CHIC2: variants seen among roughly 807,000 people sequenced by gnomAD.
CHIC2 encodes cysteine rich hydrophobic domain 2.
Under a neutral mutation model 25.9 loss-of-function variants are expected in CHIC2, and 14 were observed. The ratio of observed to expected loss-of-function variants is 0.54; its 90% CI spans 0.36 to 0.85. The LOEUF (loss-of-function observed/expected upper bound fraction) is 0.85. Among genes scored for constraint, CHIC2 ranks in the 40% least tolerant of loss-of-function variants. The pLI is 0.01. For synonymous variants in CHIC2, 70 were observed against 72.0 expected (o/e 0.97, Z 0.14); for missense variants, 146 against 202.0 (o/e 0.72, Z 1.68).
chr4:54,020,403 T>G (rs192753581), intron 3 of CHIC2, among the ~76,000 whole-genome samples: 1 of 152,354 alleles, frequency 6.6e-6, no homozygotes, highest in East Asian at 1.9e-4. Context: ...CACCACCTTT[T>G]GCTGACTCTC....
intron 3 of CHIC2, among the ~76,000 whole-genome samples, chr4:54,022,353 T>C (rs1252654531): frequency 6.6e-6 from 1 of 151,966 alleles, no homozygotes; most frequent in Non-Finnish European, 1.5e-5. Flanking sequence ...CAGTGGAGGG[T>C]AAGTCCGTCT....
chr4:54,079,632 A>T, the CHIC2 span, among the ~76,000 whole-genome samples: 4 of 152,138 alleles, frequency 2.6e-5, no homozygotes, highest in Admixed American at 2.6e-4. Flanking sequence ...TTTTCAAAGA[A>T]GATGTACCAA....
At chr4:54,081,252 G>C in the CHIC2 span, among the ~76,000 whole-genome samples, 1 of 151,420 alleles carries the variant, frequency 6.6e-6, no homozygotes, top group Non-Finnish European at 1.5e-5. Flanking sequence ...AGCCTCCCAA[G>C]TAGCTAGGAC....
intron 3 of CHIC2, among the ~76,000 whole-genome samples, chr4:54,028,928 T>C (rs1716140464): frequency 6.6e-6 from 1 of 152,078 alleles, no homozygotes; most frequent in South Asian, 2.1e-4. Flanking sequence ...ATTAAGACCA[T>C]CCTGGCCAAC....
chr4:54,023,064 A>T (rs1167263170), intron 3 of CHIC2, among the ~76,000 whole-genome samples: 1 of 152,074 alleles, frequency 6.6e-6, no homozygotes, highest in Non-Finnish European at 1.5e-5. Context: ...CTGACCCCAT[A>T]GATCCTAATT....
At position 54,056,090 on chromosome 4, in the gene CHIC2, C is replaced by A. The variant is rs139064049; in HGVS notation, c.120-6785G>T. On this transcript the variant is annotated intron_variant, in intron 1 of 5. Transcript: ENST00000263921. ...AAATTTACTCTATCATAAACCTCAC[C>A]ATTATACATAGTCTTATAATAATCT... Among the ~76,000 whole-genome samples, 1,072 of 152,196 alleles carry A rather than the reference C, an allele frequency of 7.0e-3. 11 individuals are homozygous for A. The highest frequency in any genetic ancestry group is 0.023 in the African/African-American group (968 of 41,524).
intron 3 of CHIC2, among the ~76,000 whole-genome samples, chr4:54,014,962 T>C (rs1303316187): frequency 6.6e-6 from 1 of 152,118 alleles, no homozygotes. Flanking sequence ...AAAAACATCT[T>C]ACCACTATTA....
chr4:54,043,198 G>C (rs561006284), intron 3 of CHIC2, among the ~76,000 whole-genome samples: 1 of 152,220 alleles, frequency 6.6e-6, no homozygotes, highest in Non-Finnish European at 1.5e-5. Flanking sequence ...GAGGCGGATG[G>C]ATCACGAGGT....
chr4:54,089,335 T>C, the CHIC2 span, among the ~76,000 whole-genome samples: 1 of 151,718 alleles, frequency 6.6e-6, no homozygotes, highest in Non-Finnish European at 1.5e-5. Context: ...TATATTGTGA[T>C]CAGCTTGAGC....
chr4:54,065,877 G>A (rs971454036), upstream of CHIC2, among the ~76,000 whole-genome samples: 2 of 152,190 alleles, frequency 1.3e-5, no homozygotes, highest in African/African-American at 4.8e-5. Context: ...GGAAATGAGT[G>A]TGGTTAGCCA....
intron 5 of CHIC2, among the ~76,000 whole-genome samples, chr4:54,013,055 T>C (rs1715639317): frequency 6.6e-6 from 1 of 152,142 alleles, no homozygotes; most frequent in East Asian, 1.9e-4. Context: ...CTGAGTTTTA[T>C]TTTCAACTAT....
intron 3 of CHIC2, among the ~76,000 whole-genome samples, chr4:54,015,492 C>G (rs1715712582): frequency 6.6e-6 from 1 of 152,116 alleles, no homozygotes; most frequent in Non-Finnish European, 1.5e-5. Context: ...AGTTGCCAGT[C>G]AGCCCCAAAT....
chr4:54,011,513 A>G (rs748256811), intron 5 of CHIC2, among the ~76,000 whole-genome samples: 1 of 152,160 alleles, frequency 6.6e-6, no homozygotes, highest in Non-Finnish European at 1.5e-5. Context: ...TTAAAATTTG[A>G]CAATTAAATG....
chr4:54,071,474 G>A, the CHIC2 span, among the ~76,000 whole-genome samples: 1 of 152,208 alleles, frequency 6.6e-6, no homozygotes, highest in Non-Finnish European at 1.5e-5. Context: ...TAAAACTGAA[G>A]TACAAGGAAG....
intron 1 of CHIC2, among the ~76,000 whole-genome samples, chr4:54,055,146 T>C (rs1407640349): frequency 1.3e-5 from 2 of 152,088 alleles, no homozygotes; most frequent in Non-Finnish European, 2.9e-5. Context: ...TATATATATA[T>C]TTTTTGTAAT....
intron 3 of CHIC2, among the ~76,000 whole-genome samples, chr4:54,033,033 A>G (rs1456436300): frequency 2.0e-5 from 3 of 152,180 alleles, no homozygotes; most frequent in African/African-American, 7.2e-5. Context: ...CTGCTCTGCC[A>G]TATGAGATGC....
At chr4:54,026,057 G>A (rs867469933) in intron 3 of CHIC2, among the ~76,000 whole-genome samples, 13 of 151,862 alleles carry the variant, frequency 8.6e-5, no homozygotes, top group East Asian at 1.9e-4. Context: ...CCTATATGGC[G>A]GCTTGGACTA....
intron 1 of CHIC2, among the ~76,000 whole-genome samples, chr4:54,063,973 TA>T (rs1366430299): frequency 6.6e-6 from 1 of 152,330 alleles, no homozygotes; most frequent in East Asian, 1.9e-4. Context: ...TAGGGCCTGC[TA>T]AAGGGGTGTG....
At chr4:54,045,328 C>T (rs1304643676) in intron 3 of CHIC2, among the ~76,000 whole-genome samples, 2 of 152,100 alleles carry the variant, frequency 1.3e-5, no homozygotes, top group African/African-American at 2.4e-5. Flanking sequence ...ATACCAAAGC[C>T]GGGCAGAGAC....
Sources: gnomAD v4.1 joint callset for allele counts (sites outside exome capture counted in the v4.1 genomes callset) on GRCh38, gnomAD v4.1.1 for gene constraint, MANE v1.5 for transcripts, NCBI Gene and HGNC (gene_info 2026-07-23, HGNC 2026-07-21) for gene names.